PTPRM: variants seen among roughly 807,000 people sequenced by gnomAD.
The protein encoded by PTPRM is protein tyrosine phosphatase receptor type M.
Under a neutral mutation model 186.7 loss-of-function variants are expected in PTPRM, and 47 were observed. The ratio of observed to expected loss-of-function variants is 0.25; its 90% CI spans 0.20 to 0.32. PTPRM has a LOEUF of 0.32. PTPRM is among the 10% of genes least tolerant of loss of function. The pLI, the probability that PTPRM is intolerant of heterozygous loss-of-function variation, is 1.00. For synonymous variants in PTPRM, 668 were observed against 674.9 expected (o/e 0.99, Z 0.16); for missense variants, 1,494 against 1,865.0 (o/e 0.80, Z 3.66).
At chr18:7,642,035 T>C (rs1419044771) in intron 1 of PTPRM, among the ~76,000 whole-genome samples, 1 of 152,204 alleles carries the variant, frequency 6.6e-6, no homozygotes, top group Non-Finnish European at 1.5e-5. Flanking sequence ...TGAACCACTC[T>C]GTGTTCTACC....
At position 7,699,166 on chromosome 18, in the gene PTPRM, A is replaced by G. The variant is rs553158608; in HGVS notation, c.74-74983A>G. 2.6e-5 allele frequency among the ~76,000 whole-genome samples: 4 copies of G among 152,246 alleles called. No individual in the cohort carries two copies. In the East Asian group the frequency reaches 7.7e-4, roughly 29 times the overall value. The stretch of plus-strand genomic sequence containing the variant: ...TGCACTTCTTATGAGACTCTAACCA[A>G]TGCCTGATGATCTGAGGTGGAACAG... On this transcript the variant is annotated intron_variant, in intron 1 of 32. Coordinates refer to ENST00000580170, the MANE Select transcript of PTPRM (RefSeq NM_001105244.2).
At chr18:8,110,638 T>G (rs1353934721) in intron 11 of PTPRM, among the ~76,000 whole-genome samples, 16 of 152,164 alleles carry the variant, frequency 1.1e-4, no homozygotes, top group Non-Finnish European at 5.9e-5. Flanking sequence ...CTAAAGTCAC[T>G]GTGGAGCCCA....
At chr18:7,797,289 C>T (rs1677515369) in intron 2 of PTPRM, among the ~76,000 whole-genome samples, 1 of 152,194 alleles carries the variant, frequency 6.6e-6, no homozygotes, top group South Asian at 2.1e-4. Context: ...AGCCTCCTGT[C>T]CTGTCCTGAG....
intron 19 of PTPRM, among the ~76,000 whole-genome samples, chr18:8,279,203 A>G (rs1227815391): frequency 6.6e-6 from 1 of 152,172 alleles, no homozygotes; most frequent in Non-Finnish European, 1.5e-5. Context: ...AAATATGAGC[A>G]TTGTGAAAGA....
At chr18:8,282,335 G>A (rs1054706086) in intron 19 of PTPRM, among the ~76,000 whole-genome samples, 29 of 152,164 alleles carry the variant, frequency 1.9e-4, no homozygotes, top group Admixed American at 5.9e-4. Context: ...AACTGGTACA[G>A]CCACTCTGGA....
At chr18:7,856,550 G>A (rs908962136) in intron 2 of PTPRM, among the ~76,000 whole-genome samples, 3 of 151,808 alleles carry the variant, frequency 2.0e-5, no homozygotes, top group African/African-American at 4.8e-5. Context: ...ACCAATGTTG[G>A]CAACATAGTG....
At chr18:8,210,218 C>T (rs1008924480) in intron 14 of PTPRM, among the ~76,000 whole-genome samples, 1 of 151,696 alleles carries the variant, frequency 6.6e-6, no homozygotes, top group East Asian at 1.9e-4. Flanking sequence ...GGCTGAGGCA[C>T]GAGAATCTAT....
chr18:8,193,343 G>T (rs952168289), intron 14 of PTPRM, among the ~76,000 whole-genome samples: 3 of 152,174 alleles, frequency 2.0e-5, no homozygotes, highest in Non-Finnish European at 4.4e-5. Context: ...TCAAGGGGCA[G>T]TAATACAGCT....
intron 14 of PTPRM, among the ~76,000 whole-genome samples, chr18:8,219,313 A>C (rs571230204): frequency 6.6e-6 from 1 of 152,188 alleles, no homozygotes; most frequent in South Asian, 2.1e-4. Context: ...TTAAAATACA[A>C]AAAATTAGCC....
chr18:7,602,103 C>T (rs946412650), intron 1 of PTPRM, among the ~76,000 whole-genome samples: 4 of 152,144 alleles, frequency 2.6e-5, no homozygotes, highest in Admixed American at 1.3e-4. Context: ...CTTAGCAAGT[C>T]GGTGACAGAA....
intron 23 of PTPRM, among the ~76,000 whole-genome samples, chr18:8,349,324 C>T (rs939142215): frequency 1.1e-4 from 16 of 152,190 alleles, no homozygotes; most frequent in Non-Finnish European, 1.5e-5. Context: ...TGTTCCAAGA[C>T]ATCAAACTCA....
chr18:8,259,061 A>G (rs1414147198), intron 19 of PTPRM, among the ~76,000 whole-genome samples: 3 of 152,110 alleles, frequency 2.0e-5, no homozygotes, highest in Non-Finnish European at 4.4e-5. Flanking sequence ...GCGATACTCA[A>G]GCCTCAGCCT....
At chr18:8,097,310 C>G (rs2091061399) in intron 11 of PTPRM, among the ~76,000 whole-genome samples, 2 of 152,110 alleles carry the variant, frequency 1.3e-5, no homozygotes, top group South Asian at 4.2e-4. Context: ...TGTTTTTTCC[C>G]ATATAATTAT....
At chr18:8,292,015 C>T (rs1363269560) in intron 19 of PTPRM, among the ~76,000 whole-genome samples, 1 of 152,170 alleles carries the variant, frequency 6.6e-6, no homozygotes, top group African/African-American at 2.4e-5. Flanking sequence ...TATTCTAAGG[C>T]ACTGACGGCA....
intron 19 of PTPRM, among the ~76,000 whole-genome samples, chr18:8,295,555 C>A (rs2095088020): frequency 6.6e-6 from 1 of 152,110 alleles, no homozygotes; most frequent in Admixed American, 6.5e-5. Context: ...CTCTTCCTTC[C>A]CAGTGGGTGC....
chr18:7,796,687 T>C (rs2043671214), intron 2 of PTPRM, among the ~76,000 whole-genome samples: 1 of 152,186 alleles, frequency 6.6e-6, no homozygotes, highest in African/African-American at 2.4e-5. Context: ...CTGGATGCTG[T>C]TGTCAACCTC....
intron 22 of PTPRM, among the ~76,000 whole-genome samples, chr18:8,325,229 A>C (rs2095368523): frequency 6.6e-6 from 1 of 152,168 alleles, no homozygotes; most frequent in Non-Finnish European, 1.5e-5. Flanking sequence ...ACTGCATGTC[A>C]TGAGGGTTTG....
chr18:7,645,867 C>G (rs1479320802), intron 1 of PTPRM, among the ~76,000 whole-genome samples: 3 of 152,188 alleles, frequency 2.0e-5, no homozygotes, highest in Non-Finnish European at 4.4e-5. Context: ...CTGTCCCTTG[C>G]TCTTTTGAGA....
At chr18:8,263,324 G>C (rs1315143263) in intron 19 of PTPRM, among the ~76,000 whole-genome samples, 1 of 152,078 alleles carries the variant, frequency 6.6e-6, no homozygotes, top group Non-Finnish European at 1.5e-5. Context: ...GGCCAGGCTG[G>C]TCTCGAACTC....
Sources: gnomAD v4.1 joint callset for allele counts (sites outside exome capture counted in the v4.1 genomes callset) on GRCh38, gnomAD v4.1.1 for gene constraint, MANE v1.5 for transcripts, NCBI Gene and HGNC (gene_info 2026-07-23, HGNC 2026-07-21) for gene names.